The following ZNF33B variants were observed in gnomAD, a reference collection of about 807,000 sequenced individuals.
The protein encoded by ZNF33B is zinc finger protein 11b (KOX 2).
Under a neutral mutation model 45.8 loss-of-function variants are expected in ZNF33B, and 29 were observed. The ratio of observed to expected loss-of-function variants is 0.63; its 90% CI spans 0.47 to 0.86. The LOEUF is 0.86. Ranked by LOEUF, ZNF33B falls within the 40% of genes least tolerant of loss-of-function variation. The pLI, the probability that ZNF33B is intolerant of heterozygous loss-of-function variation, is 0.00. For missense variants in ZNF33B, 831 were observed against 909.9 expected (o/e 0.91, Z 1.12); for synonymous variants, 305 against 307.8 (o/e 0.99, Z 0.10).
chr10:42,617,576 G>C (rs1838380905), intron 4 of ZNF33B, among the ~76,000 whole-genome samples: 2 of 152,112 alleles, frequency 1.3e-5, no homozygotes, highest in Non-Finnish European at 2.9e-5. Context: ...AGTTTCACAT[G>C]CATTAGTTGT....
At chr10:42,582,841 G>C (rs1836852577) in intron 1 of ZNF33B, 1 of 317,910 alleles carries the variant, frequency 3.1e-6, no homozygotes, top group South Asian at 4.2e-5. Flanking sequence ...CCCCAGGTGA[G>C]TCCCCAGCAG....
chr10:42,597,210 C>A (rs1366052279), intron 4 of ZNF33B, among the ~76,000 whole-genome samples: 5 of 151,664 alleles, frequency 3.3e-5, no homozygotes, highest in Admixed American at 1.3e-4. Context: ...TAATACAGGG[C>A]AGAGATGACT....
rs527462625 is a variant in ZNF33B at position 42,589,116 on chromosome 10, G to C, written c.*3497C>G. 3.0e-6 allele frequency: 1 copy of C among 337,240 alleles called. No homozygotes were observed. The highest frequency in any genetic ancestry group is 4.2e-6 in the Non-Finnish European group (1 of 237,564). 20.9% of individuals were successfully genotyped at this position (337,240 alleles called of 1,614,324 possible). Reference sequence around the variant, plus strand: ...ACAAGATGTTCCTCAGGGTTGGTTGGTTATTTACTTATTTATTTACTTAAT... The same window carrying C: ...ACAAGATGTTCCTCAGGGTTGGTTGCTTATTTACTTATTTATTTACTTAAT... On this transcript the variant is annotated 3_prime_UTR_variant, in exon 5 of 5. Transcript: ENST00000359467.
At chr10:42,588,592 T>G, downstream of ZNF33B, among the ~76,000 whole-genome samples, 1 of 152,174 alleles carries the variant, frequency 6.6e-6, no homozygotes, top group Non-Finnish European at 1.5e-5. Flanking sequence ...TAGGTGAGTT[T>G]GTCAGTCACA....
Position 42,636,937 on chromosome 10 carries a change from G to A in ZNF33B, c.-9C>T, listed in dbSNP as rs755837782. 1 of 1,614,160 alleles carries A rather than the reference G, an allele frequency of 6.2e-7. No homozygotes were observed. Among genetic ancestry groups the A allele is most frequent in the Admixed American group, 1.7e-5 (1 of 59,994 alleles). ...CAACTTACCTTGTTCATTTTGTTCTGTTCTTGGAAAGACGGAGACAACTCT... is the reference window on the plus strand; with the variant it reads ...CAACTTACCTTGTTCATTTTGTTCTATTCTTGGAAAGACGGAGACAACTCT... On this transcript the variant is annotated 5_prime_UTR_variant, in exon 2 of 5. Transcript: ENST00000359467.
At chr10:42,575,388 T>G (rs1836733623) in intron 1 of ZNF33B, among the ~76,000 whole-genome samples, 2 of 152,118 alleles carry the variant, frequency 1.3e-5, no homozygotes, top group African/African-American at 4.8e-5. Context: ...AGGACAGGTT[T>G]CCCCTAGAAG....
At chr10:42,614,083 T>C (rs1247943852) in intron 4 of ZNF33B, among the ~76,000 whole-genome samples, 3 of 152,228 alleles carry the variant, frequency 2.0e-5, no homozygotes, top group Non-Finnish European at 2.9e-5. Flanking sequence ...TGTAACTTTA[T>C]AGTGGACAAA....
chr10:42,605,275 A>G (rs1837793099), intron 4 of ZNF33B: 1 of 151,254 alleles, frequency 6.6e-6, no homozygotes, highest in South Asian at 2.1e-4. Flanking sequence ...AAAAAAAAAA[A>G]AAAAAAAAGA....
intron 1 of ZNF33B, chr10:42,582,565 G>T (rs1338928864): frequency 6.5e-6 from 1 of 152,740 alleles, no homozygotes; most frequent in Non-Finnish European, 1.5e-5. Flanking sequence ...GCCAGCTCTG[G>T]CTTTAGGATG....
chr10:42,638,323 T>C (rs1839435771), intron 1 of ZNF33B, among the ~76,000 whole-genome samples, 151 bp downstream of exon 1: 1 of 152,236 alleles, frequency 6.6e-6, no homozygotes, highest in African/African-American at 2.4e-5. Context: ...TGGCGTAGCG[T>C]CCTGGTAGAC....
Position 42,631,960 on chromosome 10 carries a change from C to T in ZNF33B, c.219G>A (p.Leu73=), listed in dbSNP as rs1430805452. The T allele has an allele frequency of 1.2e-6, 2 of 1,614,024 alleles. No individual in the cohort carries two copies. The highest frequency in any genetic ancestry group is 8.5e-7 in the Non-Finnish European group (1 of 1,180,028). The change falls in exon 4 of 5, where the codon CTG becomes CTA. Residue 73 remains leucine, a synonymous_variant. Coordinates refer to ENST00000359467, the MANE Select transcript of ZNF33B (RefSeq NM_006955.3). Reference sequence around the variant, plus strand: ...AGCTCTGGCTTGGGAATTCTTCCTCCAGTCTCCATGGTTCTTCTCCTTGTT... The same window carrying T: ...AGCTCTGGCTTGGGAATTCTTCCTCTAGTCTCCATGGTTCTTCTCCTTGTT... ...RLEQGEEPWR[L]EEEFPSQSFP...
chr10:42,575,688 T>C (rs1836737804), intron 1 of ZNF33B, among the ~76,000 whole-genome samples: 1 of 149,962 alleles, frequency 6.7e-6, no homozygotes, highest in South Asian at 2.1e-4. Context: ...GAAGACATTA[T>C]AAGTTTATAA....
chr10:42,628,291 C>T (rs796526739), intron 4 of ZNF33B, among the ~76,000 whole-genome samples: 1 of 118,844 alleles, frequency 8.4e-6, no homozygotes, highest in Non-Finnish European at 1.9e-5. Flanking sequence ...GCTGGAATTA[C>T]AGGCGTGAGA....
intron 4 of ZNF33B, 79 bp downstream of exon 4, chr10:42,631,850 A>C: frequency 8.1e-7 from 1 of 1,236,686 alleles, no homozygotes; most frequent in African/African-American, 1.5e-5. Context: ...AAAATGTTCC[A>C]AAGTTGCCAA....
At chr10:42,638,258 A>G (rs569260831) in intron 1 of ZNF33B, among the ~76,000 whole-genome samples, 3 of 152,256 alleles carry the variant, frequency 2.0e-5, no homozygotes, top group Non-Finnish European at 4.4e-5. Context: ...CCCTACAAAC[A>G]GGGCAACGCA....
In ZNF33B at chr10:42,605,930, T is replaced by TAA. The variant is rs375960681; in HGVS notation, c.251-11233_251-11232dup. 7.6e-3 allele frequency among the ~76,000 whole-genome samples: 1,146 copies of TAA among 149,934 alleles called. 17 individuals are homozygous for TAA. The highest frequency in any genetic ancestry group is 0.027 in the African/African-American group (1,085 of 40,890). ...AGGCAACATACTGAGACCCTATCTC[T>TAA]AAAAAAAAATGTGTTTAATTACCCG... On this transcript the variant is annotated intron_variant, in intron 4 of 4. Coordinates refer to ENST00000359467, the MANE Select transcript of ZNF33B (RefSeq NM_006955.3).
chr10:42,578,564 C>T (rs1457404862), intron 1 of ZNF33B: 1 of 152,416 alleles, frequency 6.6e-6, no homozygotes, highest in African/African-American at 2.4e-5. Flanking sequence ...AGGACCTACA[C>T]CACTGCATGG....
chr10:42,637,527 CAGG>C (rs747725181), intron 1 of ZNF33B, among the ~76,000 whole-genome samples: 7 of 152,180 alleles, frequency 4.6e-5, no homozygotes, highest in Non-Finnish European at 8.8e-5. Flanking sequence ...GCTTAGGGGT[CAGG>C]AGAAGTGACT....
chr10:42,609,487 T>C (rs1476182442), intron 4 of ZNF33B, among the ~76,000 whole-genome samples: 1 of 152,054 alleles, frequency 6.6e-6, no homozygotes. Flanking sequence ...GTCCATATGG[T>C]TCACTGGAGA....
Sources: gnomAD v4.1 joint callset for allele counts (sites outside exome capture counted in the v4.1 genomes callset) on GRCh38, gnomAD v4.1.1 for gene constraint, MANE v1.5 for transcripts, NCBI Gene and HGNC (gene_info 2026-07-23, HGNC 2026-07-21) for gene names.